NOX4: variants seen among roughly 807,000 people sequenced by gnomAD.
NOX4 encodes the protein NADPH oxidase 4, also known as kidney oxidase-1.
A neutral mutation model predicts 87.6 loss-of-function variants in NOX4; 69 were observed. The observed-to-expected ratio is 0.79, with a 90% CI of 0.65 to 0.96. NOX4 has a LOEUF of 0.96. NOX4 is among the 40% of genes least tolerant of loss of function. NOX4 has a pLI of 0.00. For missense variants in NOX4, 680 were observed against 681.5 expected, an observed-to-expected ratio of 1.00 and a Z score of 0.02; for synonymous variants, 275 against 238.2, an observed-to-expected ratio of 1.15 and a Z score of -1.42.
upstream of NOX4, among the ~76,000 whole-genome samples, chr11:89,501,495 G>T (rs1025050625): frequency 6.6e-6 from 1 of 152,002 alleles, no homozygotes; most frequent in Non-Finnish European, 1.5e-5. Context: ...TTGCTCAAAA[G>T]ATTGTTTTTG....
rs767046916 is a variant in NOX4 at position 89,335,884 on chromosome 11, C to T, written c.1577G>A (p.Trp526Ter). Residue 526 changes from tryptophan to a stop codon, truncating the protein, a stop_gained, in exon 17 of 18, where the codon TGG becomes TAG. Transcript: ENST00000263317. LOFTEE classifies it high-confidence loss of function. The stretch of plus-strand genomic sequence containing the variant: ...TGCTATTTCATCAAACAAAAGTTTC[C>T]ACCGAGGACGTCCTATAAACAGTCT... ...NSRLFIGRPR[W>*]KLLFDEIAKY... 1 of 1,600,528 alleles carries T rather than the reference C, an allele frequency of 6.2e-7. No homozygotes were observed. The highest frequency in any genetic ancestry group is 1.1e-5 in the South Asian group (1 of 87,862).
chr11:89,532,162 G>A, the NOX4 span, among the ~76,000 whole-genome samples: 30 of 152,356 alleles, frequency 2.0e-4, no homozygotes, highest in African/African-American at 6.7e-4. Context: ...GCCTAGTGGA[G>A]CTGTGAAAAG....
chr11:89,413,273 T>A (rs1456509463), intron 8 of NOX4, among the ~76,000 whole-genome samples: 2 of 151,884 alleles, frequency 1.3e-5, no homozygotes, highest in East Asian at 3.9e-4. Context: ...AGTTTGGAGG[T>A]TCCTCAAAAG....
chr11:89,514,137 C>T, the NOX4 span, among the ~76,000 whole-genome samples: 1 of 152,004 alleles, frequency 6.6e-6, no homozygotes, highest in African/African-American at 2.4e-5. Context: ...GCTTCATGAT[C>T]ATGGGGTGGG....
At chr11:89,416,879 A>G (rs1242028309) in intron 8 of NOX4, among the ~76,000 whole-genome samples, 1 of 152,210 alleles carries the variant, frequency 6.6e-6, no homozygotes, top group East Asian at 1.9e-4. Flanking sequence ...GTTCTGCTTA[A>G]AAGAATAATT....
chr11:89,449,983 T>C (rs1944883982), intron 3 of NOX4, among the ~76,000 whole-genome samples: 2 of 152,178 alleles, frequency 1.3e-5, no homozygotes, highest in South Asian at 4.1e-4. Flanking sequence ...ATAAGATTAT[T>C]TTAAAATGAA....
chr11:89,475,167 C>A (rs958372705), intron 2 of NOX4, among the ~76,000 whole-genome samples: 4 of 151,876 alleles, frequency 2.6e-5, no homozygotes, highest in Admixed American at 1.3e-4. Context: ...TGAATGATCA[C>A]ACTGCTACTT....
chr11:89,541,873 G>A, the NOX4 span, among the ~76,000 whole-genome samples: 1 of 152,142 alleles, frequency 6.6e-6, no homozygotes, highest in African/African-American at 2.4e-5. Context: ...AGGCTAGAAT[G>A]CAGTAGTGCA....
At chr11:89,447,582 G>C (rs1046300168) in intron 4 of NOX4, among the ~76,000 whole-genome samples, 2 of 152,138 alleles carry the variant, frequency 1.3e-5, no homozygotes, top group Non-Finnish European at 2.9e-5. Context: ...AGTTAAAGAA[G>C]GGTAATGTAG....
At chr11:89,405,080 TTGTGTGTGTGTGTGTGTG>T (rs71472257) in intron 8 of NOX4, among the ~76,000 whole-genome samples, 1 of 133,190 alleles carries the variant, frequency 7.5e-6, no homozygotes, top group African/African-American at 2.8e-5. Flanking sequence ...AAAAGTCAGA[TTGTGTGTGTGTGTGTGTG>T]TGTGTGTGTG....
At chr11:89,411,263 G>C (rs183383502) in intron 8 of NOX4, among the ~76,000 whole-genome samples, 1 of 152,150 alleles carries the variant, frequency 6.6e-6, no homozygotes, top group Non-Finnish European at 1.5e-5. Flanking sequence ...GTGAGACTGA[G>C]AGATGTACTG....
the NOX4 span, among the ~76,000 whole-genome samples, chr11:89,547,676 A>G: frequency 1.3e-5 from 2 of 152,210 alleles, no homozygotes; most frequent in African/African-American, 4.8e-5. Flanking sequence ...GCCACACAGT[A>G]GAATCAATTG....
At chr11:89,438,034 C>T (rs1944172118) in intron 6 of NOX4, among the ~76,000 whole-genome samples, 1 of 151,292 alleles carries the variant, frequency 6.6e-6, no homozygotes, top group South Asian at 2.1e-4. Flanking sequence ...AAACACTTTG[C>T]CAAGTCTTTC....
intron 12 of NOX4, among the ~76,000 whole-genome samples, chr11:89,363,560 T>G (rs1206273567): frequency 6.6e-6 from 1 of 152,056 alleles, no homozygotes; most frequent in Non-Finnish European, 1.5e-5. Flanking sequence ...AATTACAAAA[T>G]TATTTAAAAA....
At chr11:89,416,116 G>C (rs949805424) in intron 8 of NOX4, among the ~76,000 whole-genome samples, 3 of 152,046 alleles carry the variant, frequency 2.0e-5, no homozygotes, top group Non-Finnish European at 2.9e-5. Context: ...TGTATGACCT[G>C]GTTTTTCTAT....
Position 89,402,539 on chromosome 11 carries a change from C to T in NOX4, c.633G>A (p.Gly211=), listed in dbSNP as rs1226690770. Residue 211 remains glycine (G), a synonymous_variant, in exon 9 of 18, where the codon GGG becomes GGA. Coordinates refer to ENST00000263317, the MANE Select transcript of NOX4 (RefSeq NM_016931.5). Reference sequence around the variant, plus strand: ...CTAAATTAGTTTGATACTTCAGCAGCCCTCTAAAATTACATTTAAAACAAA... The same window carrying T: ...CTAAATTAGTTTGATACTTCAGCAGTCCTCTAAAATTACATTTAAAACAAA... The part of the protein sequence containing the change: ...YMLLTLHVSG[G]LLKYQTNLDT... The T allele has an allele frequency of 1.9e-6, 3 of 1,607,954 alleles. No individual in the cohort carries two copies. In the Admixed American group the frequency reaches 5.0e-5, roughly 27 times the overall value.
chr11:89,518,027 T>C, the NOX4 span, among the ~76,000 whole-genome samples: 2 of 152,110 alleles, frequency 1.3e-5, no homozygotes, highest in African/African-American at 4.8e-5. Flanking sequence ...ACTTTTACAT[T>C]AAATCTCTTC....
intron 11 of NOX4, among the ~76,000 whole-genome samples, chr11:89,395,660 C>A (rs1282388765): frequency 6.6e-6 from 1 of 152,138 alleles, no homozygotes; most frequent in Non-Finnish European, 1.5e-5. Flanking sequence ...GTCTTCAATA[C>A]ATCTTGAATT....
chr11:89,374,335 T>C (rs1939672632), intron 11 of NOX4, among the ~76,000 whole-genome samples: 1 of 152,270 alleles, frequency 6.6e-6, no homozygotes, highest in East Asian at 1.9e-4. Context: ...TTGTTTGAGA[T>C]GCTGACTAAC....
Sources: gnomAD v4.1 joint callset for allele counts (sites outside exome capture counted in the v4.1 genomes callset) on GRCh38, gnomAD v4.1.1 for gene constraint, MANE v1.5 for transcripts, NCBI Gene and HGNC (gene_info 2026-07-23, HGNC 2026-07-21) for gene names.